The following L3MBTL4 variants were observed in gnomAD, a reference collection of about 807,000 sequenced individuals.
L3MBTL4 encodes L3MBTL histone methyl-lysine binding protein 4.
L3MBTL4 carries 70 observed loss-of-function variants against 84.5 expected under a neutral mutation model. The observed-to-expected ratio is 0.83, with a 90% CI of 0.68 to 1.01. The LOEUF is 1.01. Ranked by LOEUF, L3MBTL4 falls within the 50% of genes least tolerant of loss-of-function variation. L3MBTL4 has a pLI of 0.00. For synonymous variants in L3MBTL4, 274 were observed against 259.8 expected, an observed-to-expected ratio of 1.05 and a Z score of -0.52; for missense variants, 715 against 754.8, an observed-to-expected ratio of 0.95 and a Z score of 0.62.
At chr18:6,157,151 C>T (rs957026694) in intron 13 of L3MBTL4, among the ~76,000 whole-genome samples, 2 of 152,252 alleles carry the variant, frequency 1.3e-5, no homozygotes, top group East Asian at 1.9e-4. Context: ...TTTTAAAAAA[C>T]ACAATATGCT....
rs180732 is a variant in L3MBTL4, at chr18:6,357,139, G to T, written c.-90-45083C>A. 1.3e-5 allele frequency among the ~76,000 whole-genome samples: 2 copies of T among 152,038 alleles called. 1 individual carries two copies. Among genetic ancestry groups the T allele is most frequent in the African/African-American group, 4.8e-5 (2 of 41,394 alleles). ...ATCCAAAGCGTTGATATCTTATCAAGTTAGCTCCCACCTGAAACCTTGTTT... is the reference window on the plus strand; with the variant it reads ...ATCCAAAGCGTTGATATCTTATCAATTTAGCTCCCACCTGAAACCTTGTTT... On this transcript the variant is annotated intron_variant, in intron 1 of 18. Coordinates refer to ENST00000317931, the MANE Select transcript of L3MBTL4 (RefSeq NM_001330559.2).
At chr18:6,113,460 TG>T (rs2059258370) in intron 14 of L3MBTL4, among the ~76,000 whole-genome samples, 1 of 33,604 alleles carries the variant, frequency 3.0e-5, no homozygotes, top group African/African-American at 1.2e-4. Context: ...GAGGCAAGTG[TG>T]GGCAAAAAAA....
chr18:6,270,646 A>G (rs931531682), intron 4 of L3MBTL4, among the ~76,000 whole-genome samples: 2 of 152,202 alleles, frequency 1.3e-5, no homozygotes, highest in Admixed American at 6.5e-5. Flanking sequence ...TCCAGGGAGA[A>G]GCAGCATGGG....
intron 16 of L3MBTL4, among the ~76,000 whole-genome samples, chr18:5,996,179 T>C (rs1020653708): frequency 6.6e-6 from 1 of 152,198 alleles, no homozygotes; most frequent in South Asian, 2.1e-4. Flanking sequence ...CTAGAAAATG[T>C]AGCATTCCTA....
chr18:5,993,925 G>A (rs1784172471), intron 16 of L3MBTL4, among the ~76,000 whole-genome samples: 1 of 152,160 alleles, frequency 6.6e-6, no homozygotes, highest in African/African-American at 2.4e-5. Context: ...ACTCTATTAT[G>A]TTAGTAAAGT....
At chr18:6,086,444 A>G (rs2058262188) in intron 15 of L3MBTL4, among the ~76,000 whole-genome samples, 1 of 152,202 alleles carries the variant, frequency 6.6e-6, no homozygotes, top group African/African-American at 2.4e-5. Flanking sequence ...CATGGCATCC[A>G]TGGGTTATTT....
intron 16 of L3MBTL4, among the ~76,000 whole-genome samples, chr18:6,068,299 C>T (rs1323704153): frequency 6.6e-6 from 1 of 152,114 alleles, no homozygotes; most frequent in Non-Finnish European, 1.5e-5. Flanking sequence ...GGAGAGGTAT[C>T]CCTGGGGTAG....
rs115972796 is a variant in L3MBTL4, at chr18:6,237,822, T to C, written c.784+142A>G. The C allele has an allele frequency of 6.4e-3, 4,359 of 680,334 alleles. 144 individuals are homozygous for C. The African/African-American group carries it at 0.071, about 11-fold the overall frequency. 42.1% of individuals were successfully genotyped at this position (680,334 alleles called of 1,614,324 possible). On this transcript the variant is annotated intron_variant, in intron 10 of 18. Coordinates refer to ENST00000317931, the MANE Select transcript of L3MBTL4 (RefSeq NM_001330559.2). The stretch of plus-strand genomic sequence containing the variant: ...TAAGGAAATGCAGGTTTCAGACACT[T>C]GGTGGTCAACAGAATCTCACATAGT...
chr18:6,305,309 A>G (rs763617567), intron 3 of L3MBTL4, among the ~76,000 whole-genome samples: 2 of 152,218 alleles, frequency 1.3e-5, no homozygotes, highest in Non-Finnish European at 2.9e-5. Context: ...CAAATGACCT[A>G]CATTCTCTAG....
intron 4 of L3MBTL4, among the ~76,000 whole-genome samples, chr18:6,297,938 T>C (rs2050174684): frequency 1.3e-5 from 2 of 152,248 alleles, no homozygotes; most frequent in Admixed American, 1.3e-4. Context: ...TCCTAAGTTG[T>C]TGGACATTTG....
At position 6,243,429 on chromosome 18, in the gene L3MBTL4, C is replaced by A; in HGVS notation, c.325G>T (p.Val109Phe). 1.3e-6 allele frequency: 2 copies of A among 1,589,970 alleles called. No individual in the cohort carries two copies. Among genetic ancestry groups the A allele is most frequent in the Non-Finnish European group, 1.7e-6 (2 of 1,170,656 alleles). ...SVFCVLSVAE[V>F]CGYRLRLHFD... ...TGAAGTCTTAGACGGTAACCACAAA[C>A]CTGCAAGATAGAAAGTTTACAATCA... The change falls in exon 7 of 19, where the codon GTT becomes TTT. Residue 109 changes from valine (V) to phenylalanine (F), a missense_variant and splice_region_variant. Transcript: ENST00000317931.
At chr18:6,022,697 AAATT>A (rs2055325492) in intron 16 of L3MBTL4, among the ~76,000 whole-genome samples, 2 of 152,246 alleles carry the variant, frequency 1.3e-5, no homozygotes, top group Non-Finnish European at 2.9e-5. Flanking sequence ...TGATTTGAGA[AAATT>A]AAGGCACAAA....
chr18:6,282,043 T>A (rs2049343623), intron 4 of L3MBTL4, among the ~76,000 whole-genome samples: 1 of 152,190 alleles, frequency 6.6e-6, no homozygotes, highest in South Asian at 2.1e-4. Flanking sequence ...AAAGTCCTTT[T>A]ATTAACTATG....
intron 13 of L3MBTL4, among the ~76,000 whole-genome samples, chr18:6,164,686 C>G (rs879916257): frequency 1.3e-5 from 2 of 152,158 alleles, no homozygotes; most frequent in Non-Finnish European, 2.9e-5. Flanking sequence ...CTGTACGTCA[C>G]CATCATCAAA....
intron 16 of L3MBTL4, among the ~76,000 whole-genome samples, chr18:6,033,671 T>G (rs563540517): frequency 6.6e-6 from 1 of 152,226 alleles, no homozygotes; most frequent in Non-Finnish European, 1.5e-5. Flanking sequence ...GTTTTTGTAA[T>G]GAAATGTTGC....
chr18:6,146,438 G>T (rs769456510), intron 13 of L3MBTL4, among the ~76,000 whole-genome samples: 10 of 152,168 alleles, frequency 6.6e-5, no homozygotes, highest in Non-Finnish European at 1.3e-4. Flanking sequence ...GGAACTCAGC[G>T]AGTAGAGGAA....
chr18:6,055,731 A>G (rs1043252118), intron 16 of L3MBTL4, among the ~76,000 whole-genome samples: 50 of 152,316 alleles, frequency 3.3e-4, no homozygotes, highest in African/African-American at 1.2e-3. Flanking sequence ...ACAAAGCATC[A>G]TCTCACAGTG....
chr18:6,110,933 T>C (rs934568171), intron 14 of L3MBTL4, among the ~76,000 whole-genome samples: 1 of 152,146 alleles, frequency 6.6e-6, no homozygotes, highest in Non-Finnish European at 1.5e-5. Context: ...CTCAGACCTG[T>C]GTATAAATGG....
intron 13 of L3MBTL4, among the ~76,000 whole-genome samples, chr18:6,162,508 A>G (rs1253050176): frequency 6.6e-6 from 1 of 152,256 alleles, no homozygotes; most frequent in African/African-American, 2.4e-5. Flanking sequence ...GTGTGGTTGT[A>G]TAGATCTACT....
Sources: allele counts gnomAD v4.1 joint callset (sites outside exome capture counted in the v4.1 genomes callset), GRCh38; gene constraint gnomAD v4.1.1; transcripts MANE v1.5; gene names NCBI Gene and HGNC (gene_info 2026-07-23, HGNC 2026-07-21).